The following MFAP3 variants were observed in gnomAD, a reference collection of about 807,000 sequenced individuals.
MFAP3 encodes microfibril-associated glycoprotein 3.
Under a neutral mutation model 20.5 loss-of-function variants are expected in MFAP3, and 8 were observed. The observed-to-expected ratio is 0.39, with a 90% CI of 0.23 to 0.70. The LOEUF is 0.70. Among genes scored for constraint, MFAP3 ranks in the 30% least tolerant of loss-of-function variants. MFAP3 has a pLI of 0.44. For missense variants in MFAP3, 398 were observed against 444.6 expected (o/e 0.90, Z 0.94); for synonymous variants, 140 against 154.0 (o/e 0.91, Z 0.67).
At chr5:154,039,500 T>A (rs540892323) in intron 1 of MFAP3, among the ~76,000 whole-genome samples, 1 of 151,954 alleles carries the variant, frequency 6.6e-6, no homozygotes, top group East Asian at 1.9e-4. Context: ...AGGAGCAAGG[T>A]GAGAATGGAG....
At chr5:154,041,768 T>A (rs1157246261) in intron 1 of MFAP3, among the ~76,000 whole-genome samples, 1 of 152,170 alleles carries the variant, frequency 6.6e-6, no homozygotes, top group East Asian at 1.9e-4. Flanking sequence ...ATTCTGAAAT[T>A]AAGGGGATAG....
intron 1 of MFAP3, among the ~76,000 whole-genome samples, chr5:154,042,145 G>A (rs1561587453): frequency 6.6e-6 from 1 of 152,164 alleles, no homozygotes; most frequent in Admixed American, 6.5e-5. Flanking sequence ...GTAGATCTGA[G>A]GGTAAGAGGA....
At position 154,049,644 on chromosome 5, in the gene MFAP3, A is replaced by G; in HGVS notation, c.-79A>G. 1 of 1,401,008 alleles carries G rather than the reference A, an allele frequency of 7.1e-7. No individual in the cohort carries two copies. The highest frequency in any genetic ancestry group is 9.7e-7 in the Non-Finnish European group (1 of 1,028,392). 86.8% of individuals were successfully genotyped at this position (1,401,008 alleles called of 1,614,324 possible). On this transcript the variant is annotated 5_prime_UTR_variant, in exon 2 of 3. Coordinates refer to ENST00000522782, the MANE Select transcript of MFAP3 (RefSeq NM_005927.5). ...TGGAAAATTTCTCTACCAAGCAATA[A>G]ATTACCCGCTGTGCTTTTGTTGTAG...
chr5:154,052,781 T>G (rs1284403188), intron 2 of MFAP3, 139 bp from the exon 3 acceptor site: 1 of 722,966 alleles, frequency 1.4e-6, no homozygotes, highest in Non-Finnish European at 2.2e-6. Flanking sequence ...TTTTTTTACA[T>G]GATTTAAACA....
intron 1 of MFAP3, among the ~76,000 whole-genome samples, chr5:154,043,589 A>T (rs1205191209): frequency 6.6e-6 from 1 of 152,066 alleles, no homozygotes; most frequent in Non-Finnish European, 1.5e-5. Context: ...GTAATAAAAA[A>T]TTTTATCAAG....
At chr5:154,047,948 A>G (rs1413559582) in intron 1 of MFAP3, among the ~76,000 whole-genome samples, 2 of 152,190 alleles carry the variant, frequency 1.3e-5, no homozygotes, top group African/African-American at 2.4e-5. Flanking sequence ...CAATTGCTGT[A>G]TATCTTGCAG....
chr5:154,052,293 A>G (rs1263447205), intron 2 of MFAP3, among the ~76,000 whole-genome samples: 2 of 151,898 alleles, frequency 1.3e-5, no homozygotes, highest in Non-Finnish European at 2.9e-5. Context: ...CCAGAAAATC[A>G]ACAAAAGTTT....
Position 154,055,658 on chromosome 5 carries a change from T to C in MFAP3, c.*1945T>C, listed in dbSNP as rs1470016777. ...TTTTTTCTGTCCACTGAGACTGGAG[T>C]GCAGTGGCAAGATCATAGCTCACTG... On this transcript the variant is annotated 3_prime_UTR_variant, in exon 3 of 3. Transcript: ENST00000522782. Among the ~76,000 whole-genome samples, 1 of 152,088 alleles carries C rather than the reference T, an allele frequency of 6.6e-6. No individual in the cohort carries two copies. Among genetic ancestry groups the C allele is most frequent in the Non-Finnish European group, 1.5e-5 (1 of 68,020 alleles).
In MFAP3 at chr5:154,049,735, T is replaced by G. The variant is rs1773139635; in HGVS notation, c.13T>G (p.Cys5Gly). ...GTCCCATTTTCCCATGAAGCTACAT[T>G]GTTGCTTATTCACTTTAGTGGCAAG... The part of the protein sequence containing the change: MKLH[C>G]CLFTLVASII... Residue 5 changes from cysteine to glycine, a missense_variant, in exon 2 of 3, where the codon TGT (cysteine) becomes GGT (glycine). Transcript: ENST00000522782. 2 of 1,612,454 alleles carry G rather than the reference T, an allele frequency of 1.2e-6. No homozygotes were observed. The highest frequency in any genetic ancestry group is 1.1e-5 in the South Asian group (1 of 90,978).
At chr5:154,050,066 T>C in intron 2 of MFAP3, 49 bp downstream of exon 2, 1 of 1,525,122 alleles carries the variant, frequency 6.6e-7, no homozygotes, top group Non-Finnish European at 8.8e-7. Flanking sequence ...TCCTGTTCTG[T>C]CTTCTTATTT....
At chr5:154,052,568 A>T (rs973796262) in intron 2 of MFAP3, among the ~76,000 whole-genome samples, 141 of 152,310 alleles carry the variant, frequency 9.3e-4, no homozygotes, top group Non-Finnish European at 1.2e-3. Context: ...TGTGATGTAG[A>T]CGGACACATA....
intron 1 of MFAP3, among the ~76,000 whole-genome samples, chr5:154,045,879 T>G (rs912330675): frequency 6.6e-5 from 10 of 152,196 alleles, no homozygotes; most frequent in Admixed American, 2.0e-4. Flanking sequence ...ATTATATCTC[T>G]CATTGGAAAT....
Position 154,053,266 on chromosome 5 carries a change from T to C in MFAP3, c.642T>C (p.Thr214=), listed in dbSNP as rs1312738720. The change falls in exon 3 of 3, where the codon ACT becomes ACC. Residue 214 remains threonine (T), a synonymous_variant. Transcript: ENST00000522782. ...KRIPIITSAK[T]LELAKVTQFK... ...TCCCCATCATTACCTCAGCCAAAAC[T>C]CTGGAGCTCGCCAAAGTCACACAAT... is the stretch of plus-strand genomic sequence containing the variant. 3.1e-6 allele frequency: 5 copies of C among 1,613,866 alleles called. No homozygotes were observed. The highest frequency in any genetic ancestry group is 1.3e-5 in the African/African-American group (1 of 74,900).
At chr5:154,043,552 A>G (rs1773010082) in intron 1 of MFAP3, among the ~76,000 whole-genome samples, 1 of 151,988 alleles carries the variant, frequency 6.6e-6, no homozygotes, top group South Asian at 2.1e-4. Context: ...ACTCCGTCAC[A>G]CACACACACA....
chr5:154,053,030 G>A lies in MFAP3; in HGVS notation c.406G>A (p.Val136Ile), dbSNP rs749657179. Residue 136 changes from valine (V) to isoleucine (I), a missense_variant, in exon 3 of 3, where the codon GTC becomes ATC. Physicochemically the swap from Val to Ile is conservative, Grantham distance 29. Transcript: ENST00000522782. ...CTCTCCAATTCGTGCCTCCTACTCT[G>A]TCACCCTACGTGTTATCTTCACCTC... is the stretch of plus-strand genomic sequence containing the variant. ...VTSPIRASYS[V>I]TLRVIFTSGD... The A allele has an allele frequency of 2.5e-6, 4 of 1,613,740 alleles. No homozygotes were observed. The highest frequency in any genetic ancestry group is 3.3e-5 in the Admixed American group (2 of 59,940).
At chr5:154,048,932 T>C (rs1773120485) in intron 1 of MFAP3, among the ~76,000 whole-genome samples, 1 of 152,186 alleles carries the variant, frequency 6.6e-6, no homozygotes, top group African/African-American at 2.4e-5. Flanking sequence ...TGAAGGAGGT[T>C]CCATAGCTTT....
intron 2 of MFAP3, 56 bp downstream of exon 2, chr5:154,050,073 A>AT (rs1389359005): frequency 6.6e-7 from 1 of 1,514,548 alleles, no homozygotes; most frequent in Admixed American, 2.2e-5. Context: ...CTGTCTTCTT[A>AT]TTTTTTAACA....
chr5:154,046,793 G>C (rs1469451332), intron 1 of MFAP3, among the ~76,000 whole-genome samples: 1 of 152,104 alleles, frequency 6.6e-6, no homozygotes, highest in Non-Finnish European at 1.5e-5. Flanking sequence ...TTTCTTTCCA[G>C]TTTCTTCTAC....
At chr5:154,046,074 A>G (rs1004556804) in intron 1 of MFAP3, among the ~76,000 whole-genome samples, 2 of 152,180 alleles carry the variant, frequency 1.3e-5, no homozygotes, top group African/African-American at 4.8e-5. Context: ...GGGACCTGGG[A>G]ATCCATATTT....
Sources: allele counts gnomAD v4.1 joint callset (sites outside exome capture counted in the v4.1 genomes callset), GRCh38; gene constraint gnomAD v4.1.1; transcripts MANE v1.5; gene names NCBI Gene and HGNC (gene_info 2026-07-23, HGNC 2026-07-21).